SIK1: variants seen among roughly 807,000 people sequenced by gnomAD.
SIK1 encodes serine/threonine-protein kinase SIK1.
SIK1 carries 1 observed loss-of-function variant against 0.3 expected under a neutral mutation model. The observed-to-expected ratio is 3.27, with a 90% CI of 1.16 to 15.53. SIK1 has a LOEUF of 15.53. Among genes scored for constraint, SIK1 ranks in the 30% most tolerant of loss-of-function variants. SIK1 has a pLI of 0.12.
In SIK1 at chr21:43,416,362, ACAC is replaced by A. The variant is rs1229840929; in HGVS notation, c.*377_*379del. On this transcript the variant is annotated 3_prime_UTR_variant, in exon 14 of 14. Coordinates refer to ENST00000270162, the MANE Select transcript of SIK1 (RefSeq NM_173354.5). ...CGCACACACACACACACACACACACACACAAGCGGACAACAATGCGCCCGCTCG... is the reference window on the plus strand; with the variant it reads ...CGCACACACACACACACACACACACAAAGCGGACAACAATGCGCCCGCTCG... 1.0e-5 allele frequency: 1 copy of A among 97,416 alleles called. No individual in the cohort carries two copies. Among genetic ancestry groups the A allele is most frequent in the African/African-American group, 3.5e-5 (1 of 28,450 alleles). The allele number at this position is 97,416 out of a possible 1,614,324, so 6.0% of individuals were successfully genotyped here. A position where few individuals can be genotyped will look rare whatever the true frequency, so the allele number is the denominator to read the frequency against.
Position 43,415,734 on chromosome 21 carries a change from A to C in SIK1, c.*1008T>G, listed in dbSNP as rs1312794293. Reference sequence around the variant, plus strand: ...CAAAAACTTAAAAACACTGACCTAAACCTCTCACTTTACCTTCCTTGAACA... The same window carrying C: ...CAAAAACTTAAAAACACTGACCTAACCCTCTCACTTTACCTTCCTTGAACA... On this transcript the variant is annotated 3_prime_UTR_variant, in exon 14 of 14. Transcript: ENST00000270162. 1.5e-4 allele frequency: 1 copy of C among 6,626 alleles called. No individual in the cohort carries two copies. Among genetic ancestry groups the C allele is most frequent in the Non-Finnish European group, 3.5e-4 (1 of 2,852 alleles). 0.4% of individuals were successfully genotyped at this position (6,626 alleles called of 1,614,324 possible). A position where few individuals can be genotyped will look rare whatever the true frequency, so the allele number is the denominator to read the frequency against.
rs2081026950 is a variant in SIK1, at chr21:43,415,013, T to C, written c.*1729A>G. The stretch of plus-strand genomic sequence containing the variant: ...CCAAGATGGTCTGGATTCTCTCCCA[T>C]CCCAAAAACTTCTTTATGAGCGAAC... On this transcript the variant is annotated 3_prime_UTR_variant, in exon 14 of 14. Transcript: ENST00000270162. 4.0e-5 allele frequency: 2 copies of C among 50,006 alleles called. 1 individual carries two copies. The highest frequency in any genetic ancestry group is 9.0e-5 in the African/African-American group (2 of 22,190). The allele number at this position is 50,006 out of a possible 1,614,324, so 3.1% of individuals were successfully genotyped here.
At chr21:43,417,486 C>T (rs34141927) in intron 13 of SIK1, 57 bp downstream of exon 13, 1 of 83,030 alleles carries the variant, frequency 1.2e-5, no homozygotes, top group South Asian at 3.0e-4. Flanking sequence ...TGAGGTTCCT[C>T]GAGGAGATAA....
chr21:43,415,137 C>CAGCAGCAGG lies in SIK1; in HGVS notation c.*1596_*1604dup, dbSNP rs2146465917. ...AACAGCCACAGAGCAGCAGCAGCAGCAGCAGCAGGAATGGGGGCAGCCAGC... is the reference window on the plus strand; with the variant it reads ...AACAGCCACAGAGCAGCAGCAGCAGCAGCAGCAGGAGCAGCAGGAATGGGGGCAGCCAGC... On this transcript the variant is annotated 3_prime_UTR_variant, in exon 14 of 14. Transcript: ENST00000270162. 1 of 23,492 alleles carries CAGCAGCAGG rather than the reference C, an allele frequency of 4.3e-5. No homozygotes were observed. Among genetic ancestry groups the CAGCAGCAGG allele is most frequent in the Non-Finnish European group, 1.2e-4 (1 of 8,648 alleles). The allele number at this position is 23,492 out of a possible 1,614,324, so 1.5% of individuals were successfully genotyped here. A position where few individuals can be genotyped will look rare whatever the true frequency, so the allele number is the denominator to read the frequency against.
At chr21:43,423,368 C>T (rs1200172290) in intron 3 of SIK1, among the ~76,000 whole-genome samples, 1 of 4,300 alleles carries the variant, frequency 2.3e-4, no homozygotes, top group Non-Finnish European at 4.1e-4. Context: ...CCAGCCTGGG[C>T]GACAGTGAGA....
At position 43,418,333 on chromosome 21, in the gene SIK1, GC is replaced by G. The variant is rs1343275231; in HGVS notation, c.1670del (p.Gly557AlafsTer23). On this transcript the variant is annotated frameshift_variant, in exon 12 of 14. Transcript: ENST00000270162. LOFTEE classifies it high-confidence loss of function. ...CAGGGAGCAGAACAGCTCCTCCCAA[GC>G]CCCCCTGAGCCTGCAGCACTGGGGT... is the stretch of plus-strand genomic sequence containing the variant. The part of the protein sequence containing the change: ...SATPVLQAQG[G>X]LGGAVLLPVS... 1 of 21,572 alleles carries G rather than the reference GC, an allele frequency of 4.6e-5. No individual in the cohort carries two copies. The highest frequency in any genetic ancestry group is 7.4e-4 in the East Asian group (1 of 1,354). 1.3% of individuals were successfully genotyped at this position (21,572 alleles called of 1,614,324 possible).
At chr21:43,418,143 AGGC>A (rs2081040742) in intron 12 of SIK1, 114 bp downstream of exon 12, 1 of 24,510 alleles carries the variant, frequency 4.1e-5, no homozygotes, top group African/African-American at 9.0e-5. Context: ...GGTCCCACCC[AGGC>A]CCGGTGGAGA....
In SIK1 at chr21:43,416,336, G is replaced by GCGCA. The variant is rs2081031481; in HGVS notation, c.*402_*405dup. The stretch of plus-strand genomic sequence containing the variant: ...AAGAAATGGATAGTAATCAATGCAC[G>GCGCA]CGCACACACACACACACACACACAC... On this transcript the variant is annotated 3_prime_UTR_variant, in exon 14 of 14. Transcript: ENST00000270162. 1.1e-5 allele frequency: 1 copy of GCGCA among 90,586 alleles called. No homozygotes were observed. The highest frequency in any genetic ancestry group is 2.1e-5 in the Non-Finnish European group (1 of 47,848). 5.6% of individuals were successfully genotyped at this position (90,586 alleles called of 1,614,324 possible). A position where few individuals can be genotyped will look rare whatever the true frequency, so the allele number is the denominator to read the frequency against.
intron 12 of SIK1, among the ~76,000 whole-genome samples, 172 bp downstream of exon 12, chr21:43,418,088 G>A (rs762390): frequency 0.16 from 3,693 of 23,062 alleles, 501 homozygotes; most frequent in Non-Finnish European, 0.17. Context: ...GTGACGCCCC[G>A]AGCCACCAGA....
rs72146735 is a variant in SIK1 at position 43,416,338 on chromosome 21, GCACACACA to G, written c.*396_*403del. On this transcript the variant is annotated 3_prime_UTR_variant, in exon 14 of 14. Coordinates refer to ENST00000270162, the MANE Select transcript of SIK1 (RefSeq NM_173354.5). Reference sequence around the variant, plus strand: ...GAAATGGATAGTAATCAATGCACGCGCACACACACACACACACACACACACACAAGCGG... The same window carrying G: ...GAAATGGATAGTAATCAATGCACGCGCACACACACACACACACACAAGCGG... 41 of 91,402 alleles carry G rather than the reference GCACACACA, an allele frequency of 4.5e-4. 6 individuals are homozygous for G. Among genetic ancestry groups the G allele is most frequent in the African/African-American group, 1.5e-3 (39 of 26,558 alleles). The allele number at this position is 91,402 out of a possible 1,614,324, so 5.7% of individuals were successfully genotyped here. A position where few individuals can be genotyped will look rare whatever the true frequency, so the allele number is the denominator to read the frequency against.
rs2081037509 is a variant in SIK1, at chr21:43,417,583, C to G, written c.1936G>C (p.Glu646Gln). Residue 646 changes from glutamate (E) to glutamine (Q), a missense_variant, in exon 13 of 14, where the codon GAG (glutamate) becomes CAG (glutamine). Physicochemically the swap from Glu to Gln is conservative, Grantham distance 29. Coordinates refer to ENST00000270162, the MANE Select transcript of SIK1 (RefSeq NM_173354.5). ...GLHGGAAGSR[E>Q]GWSLLEEVLE... is the part of the protein sequence containing the mutation. ...ACCTCCTCCAGCAGGCTCCAGCCCT[C>G]CCGGCTGCCGGCTGCGCCGCCGTGC... is the stretch of plus-strand genomic sequence containing the variant. The G allele has an allele frequency of 5.0e-6, 1 of 198,866 alleles. No individual in the cohort carries two copies. The highest frequency in any genetic ancestry group is 1.3e-3 in the Middle Eastern group (1 of 770). The allele number at this position is 198,866 out of a possible 1,614,324, so 12.3% of individuals were successfully genotyped here. A position where few individuals can be genotyped will look rare whatever the true frequency, so the allele number is the denominator to read the frequency against.
chr21:43,415,654 G>A lies in SIK1; in HGVS notation c.*1088C>T. On this transcript the variant is annotated 3_prime_UTR_variant, in exon 14 of 14. Coordinates refer to ENST00000270162, the MANE Select transcript of SIK1 (RefSeq NM_173354.5). ...TAGTACAAAATGTAACAAATAAGTA[G>A]TGTCTACCTGTCTCCCATGTAGATA... is the stretch of plus-strand genomic sequence containing the variant. The A allele has an allele frequency of 5.3e-5, 2 of 37,408 alleles. 1 individual carries two copies. Among genetic ancestry groups the A allele is most frequent in the Non-Finnish European group, 1.4e-4 (2 of 14,348 alleles). 2.3% of individuals were successfully genotyped at this position (37,408 alleles called of 1,614,324 possible).
At chr21:43,418,132 G>GGGTCCCACCCAGGCCCGT (rs1291568157) in intron 12 of SIK1, 128 bp downstream of exon 12, 1 of 24,570 alleles carries the variant, frequency 4.1e-5, no homozygotes, top group Non-Finnish European at 1.1e-4. Context: ...AGAGCACTGA[G>GGGTCCCACCCAGGCCCGT]GGTCCCACCC....
rs766749217 is a variant in SIK1, at chr21:43,414,627, T to TA, written c.*2114dup. The stretch of plus-strand genomic sequence containing the variant: ...AAGAGATAAAATAATTCAGTTATGG[T>TA]AAAAAAAAAAACTATGTACATCTCA... On this transcript the variant is annotated 3_prime_UTR_variant, in exon 14 of 14. Coordinates refer to ENST00000270162, the MANE Select transcript of SIK1 (RefSeq NM_173354.5). The TA allele has an allele frequency of 5.3e-3, 12 of 2,266 alleles. 1 individual carries two copies. The highest frequency in any genetic ancestry group is 0.015 in the Admixed American group (2 of 130). 0.1% of individuals were successfully genotyped at this position (2,266 alleles called of 1,614,324 possible).
rs192826530 is a variant in SIK1 at position 43,417,910 on chromosome 21, G to A, written c.1745-136C>T. The A allele has an allele frequency of 4.2e-3, 1,277 of 303,578 alleles. 218 individuals carry two copies. The highest frequency in any genetic ancestry group is 0.022 in the African/African-American group (1,015 of 45,162). The allele number at this position is 303,578 out of a possible 1,614,324, so 18.8% of individuals were successfully genotyped here. ...GGGTGACACAAGCACGTCTGGACAG[G>A]AGTCTGGCACCTAAGCCCCAGGATG... On this transcript the variant is annotated intron_variant, in intron 12 of 13. Coordinates refer to ENST00000270162, the MANE Select transcript of SIK1 (RefSeq NM_173354.5).
chr21:43,415,566 T>C lies in SIK1; in HGVS notation c.*1176A>G, dbSNP rs1158687845. On this transcript the variant is annotated 3_prime_UTR_variant, in exon 14 of 14. Coordinates refer to ENST00000270162, the MANE Select transcript of SIK1 (RefSeq NM_173354.5). ...GGGCCCCTTCCTCAATGCACACCTG[T>C]GCTGACAGGGACGCTTCTTAACAAC... 1 of 35,352 alleles carries C rather than the reference T, an allele frequency of 2.8e-5. No homozygotes were observed. Among genetic ancestry groups the C allele is most frequent in the African/African-American group, 6.6e-5 (1 of 15,208 alleles). 2.2% of individuals were successfully genotyped at this position (35,352 alleles called of 1,614,324 possible). A position where few individuals can be genotyped will look rare whatever the true frequency, so the allele number is the denominator to read the frequency against.
chr21:43,418,146 C>CCT (rs2081040767), intron 12 of SIK1, 114 bp downstream of exon 12: 1 of 23,506 alleles, frequency 4.3e-5, no homozygotes, highest in Non-Finnish European at 1.2e-4. Flanking sequence ...CCCACCCAGG[C>CCT]CCGGTGGAGA....
rs891244011 is a variant in SIK1, at chr21:43,415,122, GAGCAGCAGC to G, written c.*1611_*1619del. On this transcript the variant is annotated 3_prime_UTR_variant, in exon 14 of 14. Coordinates refer to ENST00000270162, the MANE Select transcript of SIK1 (RefSeq NM_173354.5). Reference sequence around the variant, plus strand: ...TCGCCCAGTCTTTGAAACAGCCACAGAGCAGCAGCAGCAGCAGCAGCAGGAATGGGGGCA... The same window carrying G: ...TCGCCCAGTCTTTGAAACAGCCACAGAGCAGCAGCAGCAGGAATGGGGGCA... The G allele has an allele frequency of 1.3e-3, 28 of 21,078 alleles. 5 individuals carry two copies. Among genetic ancestry groups the G allele is most frequent in the East Asian group, 4.8e-3 (2 of 416 alleles). The allele number at this position is 21,078 out of a possible 1,614,324, so 1.3% of individuals were successfully genotyped here.
rs72146735 is a variant in SIK1 at position 43,416,338 on chromosome 21, G to GCACA, written c.*400_*403dup. 815 of 91,400 alleles carry GCACA rather than the reference G, an allele frequency of 8.9e-3. 136 individuals are homozygous for GCACA. The highest frequency in any genetic ancestry group is 0.026 in the African/African-American group (696 of 26,558). The allele number at this position is 91,400 out of a possible 1,614,324, so 5.7% of individuals were successfully genotyped here. A position where few individuals can be genotyped will look rare whatever the true frequency, so the allele number is the denominator to read the frequency against. On this transcript the variant is annotated 3_prime_UTR_variant, in exon 14 of 14. Coordinates refer to ENST00000270162, the MANE Select transcript of SIK1 (RefSeq NM_173354.5). ...GAAATGGATAGTAATCAATGCACGC[G>GCACA]CACACACACACACACACACACACAC...
Sources: allele counts gnomAD v4.1 joint callset (sites outside exome capture counted in the v4.1 genomes callset), GRCh38; gene constraint gnomAD v4.1.1; transcripts MANE v1.5; gene names NCBI Gene and HGNC (gene_info 2026-07-23, HGNC 2026-07-21).